The following PDE1C variants were observed in gnomAD, a reference collection of about 807,000 sequenced individuals.
PDE1C encodes phosphodiesterase 1C, also known as dual specificity calcium/calmodulin-dependent 3',5'-cyclic nucleotide phosphodiesterase 1C.
Under a neutral mutation model 93.1 loss-of-function variants are expected in PDE1C, and 62 were observed. That is an observed-to-expected ratio of 0.67 (90% CI 0.54 to 0.82). The LOEUF is 0.82. Among genes scored for constraint, PDE1C ranks in the 40% least tolerant of loss-of-function variants. The pLI, the probability that PDE1C is intolerant of heterozygous loss-of-function variation, is 0.00. For synonymous variants in PDE1C, 325 were observed against 310.1 expected (o/e 1.05, Z -0.50); for missense variants, 742 against 884.6 (o/e 0.84, Z 2.04).
At chr7:31,995,695 C>A (rs192551911) in intron 2 of PDE1C, among the ~76,000 whole-genome samples, 43 of 152,166 alleles carry the variant, frequency 2.8e-4, no homozygotes, top group Middle Eastern at 3.4e-3. Context: ...CCCCAAAGAA[C>A]CTAGAAGAGT....
At chr7:32,418,667 A>G (rs1785325489) in intron 1 of PDE1C, among the ~76,000 whole-genome samples, 1 of 152,202 alleles carries the variant, frequency 6.6e-6, no homozygotes, top group Non-Finnish European at 1.5e-5. Flanking sequence ...CATATTTGTA[A>G]CATTTTTTGT....
At chr7:32,422,755 A>T (rs2128100322) in intron 1 of PDE1C, among the ~76,000 whole-genome samples, 1 of 152,320 alleles carries the variant, frequency 6.6e-6, no homozygotes, top group East Asian at 1.9e-4. Context: ...CAATTAAGCT[A>T]AAATTTACCC....
intron 2 of PDE1C, among the ~76,000 whole-genome samples, chr7:31,940,769 A>T (rs1281075420): frequency 6.6e-6 from 1 of 152,172 alleles, no homozygotes; most frequent in East Asian, 1.9e-4. Flanking sequence ...GAATGGCAAG[A>T]TGAATGAAAC....
intron 1 of PDE1C, among the ~76,000 whole-genome samples, chr7:32,277,369 T>C (rs1452449827): frequency 1.3e-5 from 2 of 152,246 alleles, no homozygotes; most frequent in Non-Finnish European, 2.9e-5. Context: ...TATTAAGTCT[T>C]CTCAAATTGC....
intron 1 of PDE1C, among the ~76,000 whole-genome samples, chr7:32,262,630 A>G (rs1810293285): frequency 6.6e-6 from 1 of 152,186 alleles, no homozygotes; most frequent in South Asian, 2.1e-4. Context: ...ATGCAGGTCC[A>G]TGGTACCCAA....
At chr7:31,739,253 C>A in the PDE1C span, among the ~76,000 whole-genome samples, 15 of 146,370 alleles carry the variant, frequency 1.0e-4, no homozygotes, top group African/African-American at 1.5e-4. Context: ...TCTTCTGGAG[C>A]AAATTTTAGT....
chr7:31,631,922 C>T, the PDE1C span, among the ~76,000 whole-genome samples: 19 of 152,126 alleles, frequency 1.2e-4, no homozygotes, highest in Non-Finnish European at 2.1e-4. Flanking sequence ...ATACAAGCTC[C>T]GTGATGGCAG....
Position 32,070,351 on chromosome 7 carries a change from A to G in PDE1C, c.43T>C (p.Ser15Pro), listed in dbSNP as rs899323526. Residue 15 changes from serine to proline, a missense_variant, in exon 1 of 18, where the codon TCT (serine) becomes CCT (proline). Around this residue, in one of 4 missense-constraint regions of PDE1C, gnomAD observed 74 missense variants for 88.2 expected, o/e 0.84. Coordinates refer to ENST00000396191, the MANE Select transcript of PDE1C (RefSeq NM_001191057.4). The part of the protein sequence containing the change: ...TKEIEEFESN[S>P]LKYLQPEQIE... ...TGTTCCGGTTGCAGGTATTTCAGAG[A>G]GTTGCTCTCAAATTCTTCAATCTCC... 1 of 1,614,192 alleles carries G rather than the reference A, an allele frequency of 6.2e-7. No homozygotes were observed. The highest frequency in any genetic ancestry group is 8.5e-7 in the Non-Finnish European group (1 of 1,180,028).
chr7:32,168,904 C>A (rs1365827988), intron 3 of PDE1C, among the ~76,000 whole-genome samples: 1 of 152,064 alleles, frequency 6.6e-6, no homozygotes, highest in African/African-American at 2.4e-5. Flanking sequence ...ACTCCAACAG[C>A]TGTCTGAATT....
At chr7:32,184,000 C>G (rs1224966629) in intron 2 of PDE1C, among the ~76,000 whole-genome samples, 2 of 152,176 alleles carry the variant, frequency 1.3e-5, no homozygotes, top group African/African-American at 4.8e-5. Context: ...TATGAACAGA[C>G]ACTTCTCAAT....
intron 2 of PDE1C, among the ~76,000 whole-genome samples, chr7:31,936,170 G>A (rs952389696): frequency 6.6e-5 from 10 of 152,174 alleles, no homozygotes; most frequent in Non-Finnish European, 8.8e-5. Context: ...TCTAAAGACG[G>A]AATCACACAT....
intron 2 of PDE1C, among the ~76,000 whole-genome samples, chr7:32,184,761 G>A (rs1232799240): frequency 6.6e-6 from 1 of 152,036 alleles, no homozygotes; most frequent in South Asian, 2.1e-4. Flanking sequence ...AAACCTGCAC[G>A]TTGTGCACAT....
chr7:32,106,395 G>A (rs1584772329), intron 3 of PDE1C, among the ~76,000 whole-genome samples: 1 of 152,038 alleles, frequency 6.6e-6, no homozygotes, highest in South Asian at 2.1e-4. Flanking sequence ...GTCAGGAAAC[G>A]CCAGACATCT....
intron 1 of PDE1C, among the ~76,000 whole-genome samples, chr7:32,399,692 C>T (rs1185777140): frequency 1.3e-5 from 2 of 150,592 alleles, no homozygotes; most frequent in Non-Finnish European, 2.9e-5. Context: ...AAATGATTCT[C>T]ATGCCTCAGC....
chr7:32,044,288 A>G (rs1412241196), intron 2 of PDE1C, among the ~76,000 whole-genome samples: 1 of 152,204 alleles, frequency 6.6e-6, no homozygotes, highest in Non-Finnish European at 1.5e-5. Flanking sequence ...ATGAAAGAAG[A>G]AAGGATCATA....
chr7:31,887,923 A>G (rs371288869), intron 2 of PDE1C, among the ~76,000 whole-genome samples: 2 of 152,328 alleles, frequency 1.3e-5, no homozygotes, highest in South Asian at 4.1e-4. Flanking sequence ...GCCTTGTAGT[A>G]TGCAGCTAAA....
chr7:32,079,760 G>A (rs1796551685), intron 3 of PDE1C, among the ~76,000 whole-genome samples: 1 of 152,206 alleles, frequency 6.6e-6, no homozygotes, highest in Non-Finnish European at 1.5e-5. Context: ...TGGGGAGGCA[G>A]GAGCGGCCAG....
chr7:32,165,924 G>A (rs1168983004), intron 3 of PDE1C, among the ~76,000 whole-genome samples: 1 of 151,990 alleles, frequency 6.6e-6, no homozygotes, highest in Non-Finnish European at 1.5e-5. Flanking sequence ...CTAGATCTGG[G>A]ATGAGCCCAA....
chr7:31,789,451 G>A (rs1254698584), intron 16 of PDE1C: 1 of 161,404 alleles, frequency 6.2e-6, no homozygotes, highest in Non-Finnish European at 1.3e-5. Flanking sequence ...TCCAGCCAGT[G>A]GTAAAAATTT....
Sources: gnomAD v4.1 joint callset for allele counts (sites outside exome capture counted in the v4.1 genomes callset) on GRCh38, gnomAD v4.1.1 for gene constraint, gnomAD v4.1.1 regional missense constraint, MANE v1.5 for transcripts, NCBI Gene and HGNC (gene_info 2026-07-23, HGNC 2026-07-21) for gene names.